The following DCAF4 variants were observed in gnomAD, a reference collection of about 807,000 sequenced individuals.
DCAF4 encodes DDB1 and CUL4 associated factor 4.
DCAF4 carries 37 observed loss-of-function variants against 60.9 expected under a neutral mutation model. The observed-to-expected ratio is 0.61, with a 90% confidence interval of 0.47 to 0.80. The LOEUF (loss-of-function observed/expected upper bound fraction) is 0.80. Among genes scored for constraint, DCAF4 ranks in the 30% least tolerant of loss-of-function variants. The pLI is 0.00. For synonymous variants in DCAF4, 243 were observed against 254.8 expected, an observed-to-expected ratio of 0.95 and a Z score of 0.44; for missense variants, 577 against 650.0, an observed-to-expected ratio of 0.89 and a Z score of 1.22.
intron 1 of DCAF4, among the ~76,000 whole-genome samples, chr14:72,934,636 C>T (rs1194299837): frequency 6.6e-6 from 1 of 152,192 alleles, no homozygotes; most frequent in Non-Finnish European, 1.5e-5. Context: ...CCCTCCCCCA[C>T]CTCCAGCCCA....
intron 13 of DCAF4, 145 bp downstream of exon 13, chr14:72,956,645 G>A (rs925693598): frequency 1.4e-6 from 1 of 703,170 alleles, no homozygotes; most frequent in African/African-American, 1.8e-5. Flanking sequence ...GGGAGACTAG[G>A]AGGGAAGTAG....
Position 72,959,201 on chromosome 14 carries a change from G to A in DCAF4, c.*396G>A. 3 of 992,708 alleles carry A rather than the reference G, an allele frequency of 3.0e-6. No individual in the cohort carries two copies. Among genetic ancestry groups the A allele is most frequent in the Non-Finnish European group, 3.6e-6 (3 of 834,712 alleles). The allele number at this position is 992,708 out of a possible 1,614,324, so 61.5% of individuals were successfully genotyped here. Reference sequence around the variant, plus strand: ...AGACGGTGAGATGGTTTGAGTCCTCGGTGCCTGGGTAGCAGGAAGAAAGAC... The same window carrying A: ...AGACGGTGAGATGGTTTGAGTCCTCAGTGCCTGGGTAGCAGGAAGAAAGAC... On this transcript the variant is annotated 3_prime_UTR_variant, in exon 14 of 14. Coordinates refer to ENST00000358377, the MANE Select transcript of DCAF4 (RefSeq NM_015604.4).
rs753389134 is a variant in DCAF4 at position 72,947,130 on chromosome 14, C to A, written c.679-12C>A. On this transcript the variant is annotated splice_polypyrimidine_tract_variant and intron_variant, in intron 7 of 13. Coordinates refer to ENST00000358377, the MANE Select transcript of DCAF4 (RefSeq NM_015604.4). The stretch of plus-strand genomic sequence containing the variant: ...GAATAACTTTCCATCTCGCTGTGTG[C>A]TTCCTCACCAGGTGAATTCGGTGTG... 9 of 1,614,024 alleles carry A rather than the reference C, an allele frequency of 5.6e-6. No individual in the cohort carries two copies. Among genetic ancestry groups the A allele is most frequent in the Non-Finnish European group, 6.8e-6 (8 of 1,180,014 alleles).
At chr14:72,927,573 G>C (rs1017854778) in intron 1 of DCAF4, among the ~76,000 whole-genome samples, 1 of 151,742 alleles carries the variant, frequency 6.6e-6, no homozygotes, top group South Asian at 2.1e-4. Flanking sequence ...GGATGGTCTC[G>C]ATCTCCTGAC....
intron 1 of DCAF4, 137 bp from the exon 2 acceptor site, chr14:72,937,834 C>T: frequency 3.8e-6 from 5 of 1,328,510 alleles, no homozygotes; most frequent in Non-Finnish European, 4.9e-6. Flanking sequence ...GTAAGGCTTG[C>T]TGTGGCAAAT....
intron 1 of DCAF4, among the ~76,000 whole-genome samples, chr14:72,927,267 C>T (rs1200697326): frequency 1.3e-5 from 2 of 151,462 alleles, no homozygotes; most frequent in Admixed American, 1.3e-4. Context: ...GAGGGGACGG[C>T]TTCCTAGAGG....
intron 1 of DCAF4, among the ~76,000 whole-genome samples, chr14:72,930,114 G>A (rs1251178426): frequency 6.6e-6 from 1 of 152,232 alleles, no homozygotes; most frequent in African/African-American, 2.4e-5. Flanking sequence ...CAAAAGGGGG[G>A]TAGGAGGGAA....
At chr14:72,955,750 C>T in intron 12 of DCAF4, 54 bp downstream of exon 12, 1 of 1,523,352 alleles carries the variant, frequency 6.6e-7, no homozygotes, top group Non-Finnish European at 9.0e-7. Context: ...CAGTGCCCTG[C>T]CAGGTGAAAG....
Position 72,940,204 on chromosome 14 carries a change from A to G in DCAF4, c.194-16A>G. 1 of 1,613,636 alleles carries G rather than the reference A, an allele frequency of 6.2e-7. No individual in the cohort carries two copies. Among genetic ancestry groups the G allele is most frequent in the South Asian group, 1.1e-5 (1 of 91,000 alleles). On this transcript the variant is annotated splice_polypyrimidine_tract_variant and intron_variant, in intron 3 of 13. Transcript: ENST00000358377. ...ACAGTGGTTGAAATTGGTGCATTTA[A>G]TTTTTTTGTCTAAAGAGCTACCTGG...
At chr14:72,956,260 C>T (rs765218098) in intron 12 of DCAF4, 126 bp from the exon 13 acceptor site, 19 of 652,304 alleles carry the variant, frequency 2.9e-5, no homozygotes, top group Non-Finnish European at 4.6e-5. Context: ...CTCAAGAATT[C>T]GAGATGGAGA....
At chr14:72,948,174 A>G (rs1188942077) in intron 8 of DCAF4, among the ~76,000 whole-genome samples, 1 of 152,034 alleles carries the variant, frequency 6.6e-6, no homozygotes, top group Non-Finnish European at 1.5e-5. Context: ...CTGTATTTCA[A>G]AGGAGTTTTT....
intron 2 of DCAF4, among the ~76,000 whole-genome samples, chr14:72,938,790 G>C (rs1357417102): frequency 6.6e-6 from 1 of 152,130 alleles, no homozygotes; most frequent in Non-Finnish European, 1.5e-5. Flanking sequence ...CCTGTGAACA[G>C]AGCTTGCGGG....
At chr14:72,942,627 G>T in intron 5 of DCAF4, 1 of 101,852 alleles carries the variant, frequency 9.8e-6, no homozygotes, top group South Asian at 1.7e-4. Context: ...GCTCTTCCCG[G>T]CAGCCGTATC....
intron 2 of DCAF4, 104 bp downstream of exon 2, chr14:72,938,174 T>C (rs929237392): frequency 3.1e-5 from 44 of 1,426,530 alleles, no homozygotes; most frequent in Non-Finnish European, 4.1e-5. Context: ...TGGGGGCTCG[T>C]CCCAATGCAG....
At chr14:72,939,008 A>G (rs1889671599) in intron 2 of DCAF4, among the ~76,000 whole-genome samples, 2 of 151,674 alleles carry the variant, frequency 1.3e-5, no homozygotes, top group Non-Finnish European at 2.9e-5. Context: ...TGCTGGGATT[A>G]CAGACTTGAA....
At position 72,955,478 on chromosome 14, in the gene DCAF4, G is replaced by A. The variant is rs755469319; in HGVS notation, c.1006-45G>A. On this transcript the variant is annotated intron_variant, in intron 11 of 13. Transcript: ENST00000358377. ...AGGACCTGCCCTGCCCAGCCTCAGA[G>A]GGATGTCATGATAGCCAGGCACTGA... is the stretch of plus-strand genomic sequence containing the variant. The A allele has an allele frequency of 5.6e-6, 9 of 1,597,462 alleles. No homozygotes were observed. The Admixed American group carries it at 1.0e-4, about 18-fold the overall frequency.
rs371463607 is a variant in DCAF4 at position 72,958,699 on chromosome 14, C to G, written c.1382C>G (p.Ala461Gly). The G allele has an allele frequency of 4.6e-5, 75 of 1,614,066 alleles. No homozygotes were observed. The highest frequency in any genetic ancestry group is 6.0e-5 in the Non-Finnish European group (71 of 1,180,036). ...TIPSPYPASK[A>G]DIPSVAFSSR... ...CCCTCCCCGTACCCTGCCTCCAAGG[C>G]CGACATTCCCAGTGTGGCCTTCTCG... Residue 461 changes from alanine (A) to glycine (G), a missense_variant, in exon 14 of 14, where the codon GCC becomes GGC. Coordinates refer to ENST00000358377, the MANE Select transcript of DCAF4 (RefSeq NM_015604.4).
At chr14:72,944,261 G>T (rs1466624271) in intron 6 of DCAF4, among the ~76,000 whole-genome samples, 1 of 152,230 alleles carries the variant, frequency 6.6e-6, no homozygotes, top group African/African-American at 2.4e-5. Context: ...GGGCCAGAAA[G>T]TGGCTTGGCA....
At chr14:72,942,597 A>C in intron 5 of DCAF4, 1 of 183,492 alleles carries the variant, frequency 5.4e-6, no homozygotes, top group Non-Finnish European at 1.1e-5. Context: ...CTGCGAAACA[A>C]GAGGCGGCCG....
Sources: gnomAD v4.1 joint callset for allele counts (sites outside exome capture counted in the v4.1 genomes callset) on GRCh38, gnomAD v4.1.1 for gene constraint, MANE v1.5 for transcripts, NCBI Gene and HGNC (gene_info 2026-07-23, HGNC 2026-07-21) for gene names.